The following ATXN7 variants were observed in gnomAD, a reference collection of about 807,000 sequenced individuals.
The protein encoded by ATXN7 is ataxin 7.
ATXN7 carries 12 observed loss-of-function variants against 70.5 expected under a neutral mutation model. The ratio of observed to expected loss-of-function variants is 0.17; its 90% CI spans 0.11 to 0.28. The LOEUF is 0.28. Among genes scored for constraint, ATXN7 ranks in the 10% least tolerant of loss-of-function variants. The pLI is 1.00. For missense variants in ATXN7, 1,256 were observed against 1,131.7 expected (o/e 1.11, Z -1.58); for synonymous variants, 498 against 448.7 (o/e 1.11, Z -1.39).
At chr3:63,961,928 A>G (rs903235823) in intron 5 of ATXN7, among the ~76,000 whole-genome samples, 2 of 152,190 alleles carry the variant, frequency 1.3e-5, no homozygotes, top group African/African-American at 2.4e-5. Flanking sequence ...GTCATTTCAC[A>G]AGACTAATTT....
At chr3:63,939,978 A>T (rs2074727481) in intron 4 of ATXN7, among the ~76,000 whole-genome samples, 1 of 152,078 alleles carries the variant, frequency 6.6e-6, no homozygotes, top group Non-Finnish European at 1.5e-5. Context: ...AAAAAAAATC[A>T]GCAGTGATTC....
At chr3:63,880,054 C>CATT (rs1702863404) in intron 1 of ATXN7, among the ~76,000 whole-genome samples, 1 of 151,930 alleles carries the variant, frequency 6.6e-6, no homozygotes, top group Non-Finnish European at 1.5e-5. Context: ...CCACTGCACT[C>CATT]TATCCTGGGC....
At chr3:63,931,731 C>T (rs966465882) in intron 4 of ATXN7, among the ~76,000 whole-genome samples, 1 of 152,128 alleles carries the variant, frequency 6.6e-6, no homozygotes, top group Non-Finnish European at 1.5e-5. Flanking sequence ...CCCCACTGCC[C>T]CTGAAACTTT....
chr3:63,917,190 G>A (rs1704308994), intron 4 of ATXN7, among the ~76,000 whole-genome samples: 1 of 152,244 alleles, frequency 6.6e-6, no homozygotes, highest in Admixed American at 6.5e-5. Context: ...AAAGTGTTGG[G>A]ATGACAGGTA....
intron 1 of ATXN7, among the ~76,000 whole-genome samples, chr3:63,881,012 T>G (rs991756603): frequency 3.3e-5 from 5 of 152,214 alleles, no homozygotes; most frequent in Non-Finnish European, 7.4e-5. Context: ...AGTGGTTTGC[T>G]TCTTGGAGTC....
Position 63,990,329 on chromosome 3 carries a change from A to C in ATXN7, c.1515A>C (p.Glu505Asp). ...GCGATGACAAAGAAGAGTCTGTTGAAAAACTGGACTGTCATTATTCAGGTC... is the reference window on the plus strand; with the variant it reads ...GCGATGACAAAGAAGAGTCTGTTGACAAACTGGACTGTCATTATTCAGGTC... ...GEGDDKEESVEKLDCHYSGHH... is the reference protein window; with the variant it reads ...GEGDDKEESVDKLDCHYSGHH... The change falls in exon 10 of 13, where the codon GAA (glutamate) becomes GAC (aspartate). Residue 505 changes from glutamate to aspartate, a missense_variant. Coordinates refer to ENST00000674280, the MANE Select transcript of ATXN7 (RefSeq NM_001377405.1). 6.2e-7 allele frequency: 1 copy of C among 1,614,150 alleles called. No homozygotes were observed. The highest frequency in any genetic ancestry group is 8.5e-7 in the Non-Finnish European group (1 of 1,180,026).
At chr3:63,927,115 A>G (rs2107330812) in intron 4 of ATXN7, among the ~76,000 whole-genome samples, 1 of 152,362 alleles carries the variant, frequency 6.6e-6, no homozygotes, top group Non-Finnish European at 1.5e-5. Context: ...ATAGTGTTAC[A>G]GTAAACATAC....
At chr3:63,913,978 C>T (rs1704160558) in intron 4 of ATXN7, among the ~76,000 whole-genome samples, 1 of 152,154 alleles carries the variant, frequency 6.6e-6, no homozygotes, top group Non-Finnish European at 1.5e-5. Context: ...CTAATACCTG[C>T]ACTAGGCCTG....
intron 4 of ATXN7, among the ~76,000 whole-genome samples, chr3:63,935,083 G>A (rs1208266927): frequency 6.6e-6 from 1 of 152,162 alleles, no homozygotes; most frequent in East Asian, 1.9e-4. Flanking sequence ...GTTCTTCAGT[G>A]TTTACTGCAT....
intron 2 of ATXN7, among the ~76,000 whole-genome samples, chr3:63,911,133 G>C (rs1304721447): frequency 6.6e-6 from 1 of 152,164 alleles, no homozygotes; most frequent in African/African-American, 2.4e-5. Context: ...TACTACTGCA[G>C]TGTGAAACAT....
intron 5 of ATXN7, among the ~76,000 whole-genome samples, chr3:63,966,088 A>G (rs921838700): frequency 6.6e-6 from 1 of 152,172 alleles, no homozygotes; most frequent in African/African-American, 2.4e-5. Context: ...GACTCTCATA[A>G]CGATATTTTT....
At chr3:63,968,404 TC>T (rs1231646429) in intron 5 of ATXN7, 1 of 157,098 alleles carries the variant, frequency 6.4e-6, no homozygotes, top group African/African-American at 2.4e-5. Flanking sequence ...TACATCTCTC[TC>T]TAAAAATGGA....
At chr3:63,914,460 G>A (rs1044187733) in intron 4 of ATXN7, among the ~76,000 whole-genome samples, 1 of 152,226 alleles carries the variant, frequency 6.6e-6, no homozygotes, top group Admixed American at 6.5e-5. Flanking sequence ...GCAAGGGAAA[G>A]CACAGGACTT....
intron 1 of ATXN7, among the ~76,000 whole-genome samples, chr3:63,879,919 T>TA (rs34232745): frequency 0.1 from 15,313 of 150,640 alleles, 1,096 homozygotes; most frequent in Non-Finnish European, 0.16. Context: ...CCATCTCTAC[T>TA]AAAAAAAATA....
At chr3:63,887,944 G>A (rs573153441) in intron 1 of ATXN7, among the ~76,000 whole-genome samples, 2 of 150,434 alleles carry the variant, frequency 1.3e-5, no homozygotes, top group Admixed American at 6.6e-5. Context: ...CTTTAAATAC[G>A]TGTTTTTATT....
chr3:63,876,861 TG>T (rs1702760631), intron 1 of ATXN7, among the ~76,000 whole-genome samples: 1 of 152,238 alleles, frequency 6.6e-6, no homozygotes, highest in South Asian at 2.1e-4. Flanking sequence ...TAACTGCATA[TG>T]ATATCATCTG....
At chr3:63,966,247 A>G (rs2075220278) in intron 5 of ATXN7, among the ~76,000 whole-genome samples, 1 of 152,018 alleles carries the variant, frequency 6.6e-6, no homozygotes, top group Non-Finnish European at 1.5e-5. Flanking sequence ...AGATCCTCCT[A>G]CCCTGTTCTT....
intron 11 of ATXN7, among the ~76,000 whole-genome samples, chr3:63,994,833 C>T (rs1289943876): frequency 2.6e-5 from 4 of 152,212 alleles, no homozygotes; most frequent in Non-Finnish European, 1.5e-5. Flanking sequence ...AAAGGAGACC[C>T]TCCCTGGTTT....
intron 4 of ATXN7, among the ~76,000 whole-genome samples, chr3:63,929,848 G>C (rs1704876656): frequency 6.6e-6 from 1 of 152,208 alleles, no homozygotes; most frequent in Admixed American, 6.5e-5. Context: ...ATGGGAGTTT[G>C]CTCAAAGACC....
Sources: allele counts gnomAD v4.1 joint callset (sites outside exome capture counted in the v4.1 genomes callset), GRCh38; gene constraint gnomAD v4.1.1; transcripts MANE v1.5; gene names NCBI Gene and HGNC (gene_info 2026-07-23, HGNC 2026-07-21).